The following TJP2 variants were observed in gnomAD, a reference collection of about 807,000 sequenced individuals.
TJP2 encodes tight junction protein 2.
Under a neutral mutation model 133.1 loss-of-function variants are expected in TJP2, and 91 were observed. The observed-to-expected ratio is 0.68, with a 90% CI of 0.58 to 0.81. The LOEUF is 0.81. TJP2 is among the 40% of genes least tolerant of loss of function. TJP2 has a pLI of 0.00. For missense variants in TJP2, 1,541 were observed against 1,565.6 expected (o/e 0.98, Z 0.26); for synonymous variants, 592 against 583.4 (o/e 1.01, Z -0.21).
rs549829557 is a variant in TJP2, at chr9:69,135,503, C to T, written c.-131+13778C>T. On this transcript the variant is annotated intron_variant, in intron 1 of 5. Coordinates refer to the TJP2 transcript ENST00000423935. Reference sequence around the variant, plus strand: ...TCACCCAGGCTGGAGTACAGTGACACGATCTCAGCTCACTGCAACCTCTGC... The same window carrying T: ...TCACCCAGGCTGGAGTACAGTGACATGATCTCAGCTCACTGCAACCTCTGC... Among the ~76,000 whole-genome samples, 9 of 152,190 alleles carry T rather than the reference C, an allele frequency of 5.9e-5. No individual in the cohort carries two copies. The South Asian group carries it at 1.7e-3, about 28-fold the overall frequency.
rs1459155062 is a variant in TJP2, at chr9:69,216,558, G to GA, written c.239+102dup. The GA allele has an allele frequency of 2.4e-5, 33 of 1,352,934 alleles. 1 individual carries two copies. Among genetic ancestry groups the GA allele is most frequent in the Non-Finnish European group, 3.1e-5 (31 of 988,460 alleles). 83.8% of individuals were successfully genotyped at this position (1,352,934 alleles called of 1,614,324 possible). A position where few individuals can be genotyped will look rare whatever the true frequency, so the allele number is the denominator to read the frequency against. ...TGGTGTCCACTTTATTTAAAAAAAA[G>GA]AAAAAAATAACAAACTTTTATATAA... On this transcript the variant is annotated intron_variant, in intron 3 of 22. Transcript: ENST00000377245.
At chr9:69,210,270 C>G (rs1827769367) in intron 1 of TJP2, among the ~76,000 whole-genome samples, 1 of 116,598 alleles carries the variant, frequency 8.6e-6, no homozygotes, top group Non-Finnish European at 1.7e-5. Flanking sequence ...GCCTGGGTGA[C>G]AGAGTGAGAC....
intron 2 of TJP2, among the ~76,000 whole-genome samples, chr9:69,168,413 C>T (rs912121386): frequency 1.3e-5 from 2 of 151,940 alleles, no homozygotes; most frequent in African/African-American, 4.8e-5. Context: ...AAAACAGTGT[C>T]GAAGCTATTT....
intron 2 of TJP2, among the ~76,000 whole-genome samples, chr9:69,160,268 A>T (rs1374256974): frequency 6.6e-6 from 1 of 152,228 alleles, no homozygotes; most frequent in Non-Finnish European, 1.5e-5. Flanking sequence ...ACAAAAACAA[A>T]AACAAAAAAC....
At chr9:69,223,255 T>C (rs1245229430) in intron 5 of TJP2, among the ~76,000 whole-genome samples, 1 of 151,904 alleles carries the variant, frequency 6.6e-6, no homozygotes, top group Non-Finnish European at 1.5e-5. Flanking sequence ...TACGTAGTCC[T>C]CACAAGAACC....
At chr9:69,136,555 AT>A (rs1460787857) in intron 1 of TJP2, among the ~76,000 whole-genome samples, 2 of 152,248 alleles carry the variant, frequency 1.3e-5, no homozygotes, top group Non-Finnish European at 2.9e-5. Flanking sequence ...CTAAAAATAA[AT>A]GTAGATGATT....
rs1020049017 is a variant in TJP2, at chr9:69,128,508, A to G, written c.-131+6783A>G. On this transcript the variant is annotated intron_variant, in intron 1 of 5. Coordinates refer to the TJP2 transcript ENST00000423935. ...AATGATGTTGAATATTTATTTTTTC[A>G]TGTGCTTATTAGACCATTTTTTTTT... 1.5e-4 allele frequency among the ~76,000 whole-genome samples: 22 copies of G among 144,932 alleles called. 1 individual carries two copies. Among genetic ancestry groups the G allele is most frequent in the Middle Eastern group, 7.2e-3 (2 of 276 alleles).
chr9:69,237,897 G>A lies in TJP2; in HGVS notation c.2199G>A (p.Val733=). The change falls in exon 15 of 23, where the codon GTG becomes GTA. Residue 733 remains valine (V), a synonymous_variant. Transcript: ENST00000377245. ...LLREAGFKRP[V]VLFGPIADIA... ...TTTCAGCTGGTTTCAAGAGACCTGT[G>A]GTCTTATTCGGCCCCATAGCTGATA... The A allele has an allele frequency of 1.2e-6, 2 of 1,613,724 alleles. No homozygotes were observed. The highest frequency in any genetic ancestry group is 2.2e-5 in the South Asian group (2 of 91,066).
chr9:69,201,928 A>G (rs970885600), intron 1 of TJP2, among the ~76,000 whole-genome samples: 1 of 152,152 alleles, frequency 6.6e-6, no homozygotes, highest in African/African-American at 2.4e-5. Context: ...TAGAATCACA[A>G]AACAGAATGG....
At chr9:69,221,602 G>A in intron 5 of TJP2, 106 bp downstream of exon 5, 9 of 1,439,614 alleles carry the variant, frequency 6.3e-6, no homozygotes, top group Non-Finnish European at 8.5e-6. Flanking sequence ...CATCCAGGCT[G>A]GAGGGAAGTG....
chr9:69,129,617 T>C (rs1050541474), intron 1 of TJP2, among the ~76,000 whole-genome samples: 1 of 152,230 alleles, frequency 6.6e-6, no homozygotes, highest in Non-Finnish European at 1.5e-5. Flanking sequence ...GTACTCTTTA[T>C]TTTATTCTCA....
At chr9:69,201,319 A>C (rs1826973463) in intron 1 of TJP2, among the ~76,000 whole-genome samples, 1 of 152,190 alleles carries the variant, frequency 6.6e-6, no homozygotes, top group Non-Finnish European at 1.5e-5. Context: ...TGGTTGGAGC[A>C]GGCTGCAGTT....
rs141127141 is a variant in TJP2, at chr9:69,174,409, C to T, written c.37C>T (p.Arg13Trp). The change falls in exon 1 of 23, where the codon CGG becomes TGG. Residue 13 changes from arginine to tryptophan, a missense_variant. Coordinates refer to ENST00000377245, the MANE Select transcript of TJP2 (RefSeq NM_004817.4). ...AGGAGACCGCGGGTTTCCACCCCGG[C>T]GGGAGCTGTCAGGTTGGCTCCGCGT... Reference protein sequence around the residue: ...VRGDRGFPPRRELSGWLRAPG... With the variant: ...VRGDRGFPPRWELSGWLRAPG... The T allele has an allele frequency of 2.4e-5, 38 of 1,551,710 alleles. No individual in the cohort carries two copies. In the African/African-American group the frequency reaches 2.6e-4, roughly 11 times the overall value.
chr9:69,156,339 G>A (rs1823754841), intron 2 of TJP2, among the ~76,000 whole-genome samples: 1 of 152,046 alleles, frequency 6.6e-6, no homozygotes. Flanking sequence ...TCCAGCCTGC[G>A]CAACAGAGTG....
intron 3 of TJP2, 129 bp from the exon 4 acceptor site, chr9:69,218,128 C>T (rs191015059): frequency 5.1e-5 from 38 of 744,262 alleles, no homozygotes; most frequent in East Asian, 4.7e-4. Flanking sequence ...GGGCCTTGGG[C>T]GCCACTAGAC....
In TJP2 at chr9:69,220,894, A is replaced by G. The variant is rs1214202688; in HGVS notation, c.350A>G (p.Lys117Arg). 1 of 1,612,188 alleles carries G rather than the reference A, an allele frequency of 6.2e-7. No individual in the cohort carries two copies. The highest frequency in any genetic ancestry group is 8.5e-7 in the Non-Finnish European group (1 of 1,180,026). ...KSGKVAAIVV[K>R]RPRKVQVAAL... Reference sequence around the variant, plus strand: ...AGTTTGTTTTGACAACAGGTGGTCAAGAGGCCCCGGAAGGTCCAGGTGGCC... The same window carrying G: ...AGTTTGTTTTGACAACAGGTGGTCAGGAGGCCCCGGAAGGTCCAGGTGGCC... The change falls in exon 5 of 23, where the codon AAG becomes AGG. Residue 117 changes from lysine (K) to arginine (R), a missense_variant. By Grantham distance (26) the Lys-to-Arg change is conservative. Coordinates refer to ENST00000377245, the MANE Select transcript of TJP2 (RefSeq NM_004817.4).
intron 22 of TJP2, 120 bp from the exon 23 acceptor site, chr9:69,254,089 G>C: frequency 8.6e-7 from 1 of 1,161,468 alleles, no homozygotes; most frequent in Non-Finnish European, 1.3e-6. Flanking sequence ...TGCAGAATGT[G>C]GCTCAGAGGT....
At chr9:69,128,857 A>G (rs1225567342) in intron 1 of TJP2, among the ~76,000 whole-genome samples, 1 of 152,090 alleles carries the variant, frequency 6.6e-6, no homozygotes, top group Non-Finnish European at 1.5e-5. Context: ...TTTTTTCTTG[A>G]TTCTTTTCCA....
At chr9:69,174,999 A>C (rs73449168) in intron 1 of TJP2, among the ~76,000 whole-genome samples, 3,105 of 150,710 alleles carry the variant, frequency 0.021, 96 homozygotes, top group African/African-American at 0.072. Context: ...TTTGTATTCT[A>C]GTACTAGCCT....
Sources: gnomAD v4.1 joint callset for allele counts (sites outside exome capture counted in the v4.1 genomes callset) on GRCh38, gnomAD v4.1.1 for gene constraint, MANE v1.5 for transcripts, NCBI Gene and HGNC (gene_info 2026-07-23, HGNC 2026-07-21) for gene names.